The following ARHGAP15 variants were observed in gnomAD, a reference collection of about 807,000 sequenced individuals.
ARHGAP15 encodes the protein rho GTPase-activating protein 15.
Under a neutral mutation model 63.7 loss-of-function variants are expected in ARHGAP15, and 51 were observed. The observed-to-expected ratio is 0.80, with a 90% CI of 0.64 to 1.01. The LOEUF (loss-of-function observed/expected upper bound fraction) is 1.01, where lower values mean the gene tolerates loss of function less well. Ranked by LOEUF, ARHGAP15 falls within the 50% of genes least tolerant of loss-of-function variation. The probability of loss-of-function intolerance (pLI) is 0.00; values close to 1 mark genes in which losing one functional copy is unlikely to be tolerated. For missense variants in ARHGAP15, 560 were observed against 564.6 expected, an observed-to-expected ratio of 0.99 and a Z score of 0.08; for synonymous variants, 191 against 193.8, an observed-to-expected ratio of 0.99 and a Z score of 0.12.
rs560928555 is a variant in ARHGAP15 at position 143,401,021 on chromosome 2, C to T, written c.475-34580C>T. Among the ~76,000 whole-genome samples the T allele has an allele frequency of 4.6e-5, 7 of 152,086 alleles. No homozygotes were observed. The East Asian group carries it at 1.4e-3, about 29-fold the overall frequency. ...TAGTTTCTTCTGAAATCACCAGCGC[C>T]AGGTGCATTCCATTTCTCATGTCAT... is the stretch of plus-strand genomic sequence containing the variant. On this transcript the variant is annotated intron_variant, in intron 6 of 13. Transcript: ENST00000295095.
At chr2:143,453,313 A>G (rs1462320565) in intron 8 of ARHGAP15, among the ~76,000 whole-genome samples, 1 of 152,002 alleles carries the variant, frequency 6.6e-6, no homozygotes, top group Non-Finnish European at 1.5e-5. Flanking sequence ...TCTGCAATTT[A>G]CTAGCTCTAC....
chr2:143,737,727 TTTA>T lies in ARHGAP15; in HGVS notation c.1245-30259_1245-30257del, dbSNP rs1685800029. 2.0e-4 allele frequency among the ~76,000 whole-genome samples: 3 copies of T among 14,762 alleles called. No individual in the cohort carries two copies. The South Asian group carries it at 9.8e-3, about 48-fold the overall frequency. The allele number at this position is 14,762 out of a possible 152,430, so 9.7% of individuals were successfully genotyped here. A position where few individuals can be genotyped will look rare whatever the true frequency, so the allele number is the denominator to read the frequency against. ...ATGAAAACTTTTGAAACCTATTTAT[TTTA>T]TTTATTTATTTATTTATTTATTTAT... is the stretch of plus-strand genomic sequence containing the variant. On this transcript the variant is annotated intron_variant, in intron 13 of 13. Transcript: ENST00000295095.
intron 2 of ARHGAP15, among the ~76,000 whole-genome samples, chr2:143,187,832 G>A (rs1350564596): frequency 1.3e-5 from 2 of 152,090 alleles, no homozygotes; most frequent in Non-Finnish European, 2.9e-5. Context: ...AGAATAGCCT[G>A]GTCCCTTTCT....
intron 6 of ARHGAP15, among the ~76,000 whole-genome samples, chr2:143,287,035 A>C (rs1682140556): frequency 6.6e-6 from 1 of 152,170 alleles, no homozygotes; most frequent in South Asian, 2.1e-4. Flanking sequence ...CATAATTCTT[A>C]GGAGTCTAAA....
intron 12 of ARHGAP15, among the ~76,000 whole-genome samples, chr2:143,680,076 A>G (rs1418146799): frequency 2.0e-5 from 3 of 151,170 alleles, no homozygotes; most frequent in Non-Finnish European, 4.4e-5. Flanking sequence ...GTGTTTAAAG[A>G]CAATTTGCCA....
chr2:143,519,468 TA>T (rs1693968780), intron 10 of ARHGAP15, 104 bp downstream of exon 10: 1 of 864,830 alleles, frequency 1.2e-6, no homozygotes. Flanking sequence ...GCCATGCAAT[TA>T]AAACTTGACT....
intron 11 of ARHGAP15, among the ~76,000 whole-genome samples, chr2:143,607,264 C>A (rs1698074525): frequency 6.6e-6 from 1 of 152,118 alleles, no homozygotes; most frequent in South Asian, 2.1e-4. Context: ...TCTTACTTAG[C>A]AGAAACCTCA....
At chr2:143,377,544 C>G (rs1167880618) in intron 6 of ARHGAP15, among the ~76,000 whole-genome samples, 1 of 151,766 alleles carries the variant, frequency 6.6e-6, no homozygotes, top group Admixed American at 6.6e-5. Context: ...GGATCTGAAG[C>G]TAGTTTTGTT....
chr2:143,643,171 T>C (rs1366499126), intron 12 of ARHGAP15, among the ~76,000 whole-genome samples: 2 of 152,032 alleles, frequency 1.3e-5, no homozygotes, highest in Admixed American at 6.6e-5. Flanking sequence ...TTAGAGAAGA[T>C]AATGTGGTGG....
chr2:143,519,307 G>A lies in ARHGAP15; in HGVS notation c.868G>A (p.Glu290Lys). Residue 290 changes from glutamate to lysine, a missense_variant, in exon 10 of 14, where the codon GAA (glutamate) becomes AAA (lysine). Glu to Lys is a moderately conservative substitution (Grantham distance 56). Transcript: ENST00000295095. ...TCATCTGCACAAAGTGTGTGAACGT[G>A]AAAATTCCACAGTTCCGTGGTTTGT... ...GSHLHKVCER[E>K]NSTVPWFVKQ... 1 of 1,613,218 alleles carries A rather than the reference G, an allele frequency of 6.2e-7. No individual in the cohort carries two copies. Among genetic ancestry groups the A allele is most frequent in the Non-Finnish European group, 8.5e-7 (1 of 1,179,364 alleles).
At chr2:143,266,662 T>A (rs553237701) in intron 6 of ARHGAP15, among the ~76,000 whole-genome samples, 2 of 152,136 alleles carry the variant, frequency 1.3e-5, no homozygotes, top group African/African-American at 4.8e-5. Flanking sequence ...GACAGAGAGA[T>A]AGAGTTCTCC....
At chr2:143,413,927 TTGTGTGTGTGTGTGTG>T (rs1553476588) in intron 6 of ARHGAP15, among the ~76,000 whole-genome samples, 3 of 128,046 alleles carry the variant, frequency 2.3e-5, no homozygotes, top group East Asian at 2.3e-4. Context: ...AGGTAGGTAG[TTGTGTGTGTGTGTGTG>T]TGTGTGTGTG....
chr2:143,416,820 C>A (rs1423561309), intron 6 of ARHGAP15, among the ~76,000 whole-genome samples: 1 of 50,264 alleles, frequency 2.0e-5, no homozygotes, highest in South Asian at 1.0e-3. Flanking sequence ...CTTCCCCCAC[C>A]ACCCCCCCAC....
chr2:143,233,565 T>G (rs1693528581), intron 5 of ARHGAP15, among the ~76,000 whole-genome samples: 2 of 152,088 alleles, frequency 1.3e-5, no homozygotes, highest in African/African-American at 4.8e-5. Context: ...TTTCTTTTTA[T>G]TTTTCCTGCC....
At chr2:143,131,954 T>G (rs754319236) in intron 1 of ARHGAP15, among the ~76,000 whole-genome samples, 1 of 152,126 alleles carries the variant, frequency 6.6e-6, no homozygotes, top group Non-Finnish European at 1.5e-5. Context: ...TATCCATTTC[T>G]TTAAGATAGT....
intron 12 of ARHGAP15, among the ~76,000 whole-genome samples, chr2:143,634,969 C>T (rs1574742187): frequency 6.6e-6 from 1 of 152,050 alleles, no homozygotes; most frequent in South Asian, 2.1e-4. Flanking sequence ...ACCAGAAGAG[C>T]CAACTCCAAA....
chr2:143,601,975 C>A (rs1245271704), intron 11 of ARHGAP15, among the ~76,000 whole-genome samples: 2 of 152,244 alleles, frequency 1.3e-5, no homozygotes, highest in African/African-American at 2.4e-5. Flanking sequence ...CTATTAAATT[C>A]ATTCTTTTCC....
At chr2:143,664,624 C>T (rs1403062274) in intron 12 of ARHGAP15, among the ~76,000 whole-genome samples, 3 of 150,906 alleles carry the variant, frequency 2.0e-5, no homozygotes, top group Non-Finnish European at 4.5e-5. Context: ...TTAATGAATC[C>T]AGGAGCTGGT....
At chr2:143,408,208 C>T (rs992030237) in intron 6 of ARHGAP15, among the ~76,000 whole-genome samples, 24 of 148,704 alleles carry the variant, frequency 1.6e-4, no homozygotes, top group African/African-American at 5.6e-4. Flanking sequence ...TGGACAGTCT[C>T]TCTCCCTCTC....
Sources: allele counts gnomAD v4.1 joint callset (sites outside exome capture counted in the v4.1 genomes callset), GRCh38; gene constraint gnomAD v4.1.1; transcripts MANE v1.5; gene names NCBI Gene and HGNC (gene_info 2026-07-23, HGNC 2026-07-21).